Variants in GALNT18 observed in about 807,000 individuals in gnomAD.
The protein encoded by GALNT18 is polypeptide N-acetylgalactosaminyltransferase 18, also known as GalNAc-transferase 18.
In GALNT18, 44 loss-of-function variants were observed where a neutral mutation model predicts 69.5. The observed-to-expected ratio is 0.63, with a 90% CI of 0.50 to 0.81. The LOEUF is 0.81. Among genes scored for constraint, GALNT18 ranks in the 40% least tolerant of loss-of-function variants. The probability of loss-of-function intolerance (pLI) is 0.00; values close to 1 mark genes in which losing one functional copy is unlikely to be tolerated. For synonymous variants in GALNT18, 364 were observed against 318.2 expected, an observed-to-expected ratio of 1.14 and a Z score of -1.53; for missense variants, 715 against 810.0, an observed-to-expected ratio of 0.88 and a Z score of 1.42.
chr11:11,520,557 G>A (rs1320914653), intron 1 of GALNT18, among the ~76,000 whole-genome samples: 1 of 152,228 alleles, frequency 6.6e-6, no homozygotes, highest in African/African-American at 2.4e-5. Context: ...GCGTGCAAGG[G>A]GATGTTGTGG....
At chr11:11,504,888 A>C (rs775242755) in intron 1 of GALNT18, among the ~76,000 whole-genome samples, 1 of 152,184 alleles carries the variant, frequency 6.6e-6, no homozygotes, top group African/African-American at 2.4e-5. Context: ...TCAGAGATGA[A>C]CCAAGTTCCT....
intron 1 of GALNT18, among the ~76,000 whole-genome samples, chr11:11,550,466 C>A (rs1044176493): frequency 1.9e-4 from 29 of 152,224 alleles, no homozygotes; most frequent in Admixed American, 1.9e-3. Flanking sequence ...TAACCCCCAT[C>A]CTCATCCATT....
At chr11:11,561,831 G>A (rs935727457) in intron 1 of GALNT18, among the ~76,000 whole-genome samples, 5 of 152,268 alleles carry the variant, frequency 3.3e-5, no homozygotes, top group Admixed American at 2.6e-4. Flanking sequence ...AAGCAAAGAC[G>A]AGAACCGGGC....
chr11:11,474,546 C>A (rs1316329620), intron 1 of GALNT18, among the ~76,000 whole-genome samples: 2 of 152,090 alleles, frequency 1.3e-5, no homozygotes, highest in Non-Finnish European at 2.9e-5. Flanking sequence ...GAGGCCAGTG[C>A]GTAACTATTG....
chr11:11,544,398 A>C (rs111358709), intron 1 of GALNT18, among the ~76,000 whole-genome samples: 30 of 152,332 alleles, frequency 2.0e-4, no homozygotes, highest in African/African-American at 6.7e-4. Flanking sequence ...CACTATGCTA[A>C]GCATTTTGGG....
chr11:11,432,596 G>C lies in GALNT18; in HGVS notation c.595+25C>G. The C allele has an allele frequency of 1.3e-6, 2 of 1,586,750 alleles. No homozygotes were observed. The highest frequency in any genetic ancestry group is 1.7e-6 in the Non-Finnish European group (2 of 1,164,242). On this transcript the variant is annotated intron_variant, in intron 3 of 10. Transcript: ENST00000227756. This position sits in a 1 kb window ranked among gnomAD's most constrained non-coding sequence, Gnocchi z 5.8. The stretch of plus-strand genomic sequence containing the variant: ...GATGTCAGCCAGGAAGTAGGGCCTG[G>C]GCCCTGGGAAGCTCCGACACTCACC...
Position 11,470,933 on chromosome 11 carries a change from C to A in GALNT18, c.236-21997G>T, listed in dbSNP as rs536699584. On this transcript the variant is annotated intron_variant, in intron 1 of 10. Transcript: ENST00000227756. The surrounding 1 kb of genome is among the most constrained non-coding windows in gnomAD (Gnocchi z 4.8). ...CTTTGCCTGAGAATCAAACGTCCTG[C>A]CAAATGGCTTCTTGATTTCTCCCCA... 7.2e-4 allele frequency among the ~76,000 whole-genome samples: 110 copies of A among 152,294 alleles called. No homozygotes were observed. The highest frequency in any genetic ancestry group is 1.2e-3 in the Admixed American group (19 of 15,300).
Position 11,402,624 on chromosome 11 carries a change from T to G in GALNT18, c.596-23360A>C, listed in dbSNP as rs1404713492. ...TGGCATGGCTTTCTGTCCTCAAACT[T>G]CATTATCTCAAGGCATAAGTCCTCT... On this transcript the variant is annotated intron_variant, in intron 3 of 10. Transcript: ENST00000227756. The surrounding 1 kb of genome is among the most constrained non-coding windows in gnomAD (Gnocchi z 4.0). Among the ~76,000 whole-genome samples, 1 of 152,182 alleles carries G rather than the reference T, an allele frequency of 6.6e-6. No individual in the cohort carries two copies. The highest frequency in any genetic ancestry group is 1.9e-4 in the East Asian group (1 of 5,190).
rs962727495 is a variant in GALNT18 at position 11,447,408 on chromosome 11, A to G, written c.428+1336T>C. 3.3e-5 allele frequency among the ~76,000 whole-genome samples: 5 copies of G among 152,142 alleles called. No homozygotes were observed. In the East Asian group the frequency reaches 9.6e-4, roughly 29 times the overall value. On this transcript the variant is annotated intron_variant, in intron 2 of 10. Transcript: ENST00000227756. ...CTCACCACCACCTAACATACTGCAT[A>G]TTTGACTTCTTTGTTTTGTTTACTC...
In GALNT18 at chr11:11,587,999, A is replaced by G. The variant is rs1022452831; in HGVS notation, c.235+33360T>C. Among the ~76,000 whole-genome samples the G allele has an allele frequency of 2.0e-5, 3 of 152,026 alleles. No individual in the cohort carries two copies. The highest frequency in any genetic ancestry group is 1.5e-5 in the Non-Finnish European group (1 of 68,000). Reference sequence around the variant, plus strand: ...CAGCTTCCACACTTTTATACACACAAGTCCTTCTGCTTGAGGCTCCTAACC... The same window carrying G: ...CAGCTTCCACACTTTTATACACACAGGTCCTTCTGCTTGAGGCTCCTAACC... On this transcript the variant is annotated intron_variant, in intron 1 of 10. Coordinates refer to ENST00000227756, the MANE Select transcript of GALNT18 (RefSeq NM_198516.3). The surrounding 1 kb of genome is among the most constrained non-coding windows in gnomAD (Gnocchi z 4.4).
intron 9 of GALNT18, among the ~76,000 whole-genome samples, chr11:11,310,704 C>T (rs1197786112): frequency 6.6e-6 from 1 of 152,160 alleles, no homozygotes; most frequent in East Asian, 1.9e-4. Flanking sequence ...TATATTAAGA[C>T]AGTGCTAACC....
chr11:11,291,032 C>G (rs1315844086), intron 10 of GALNT18, among the ~76,000 whole-genome samples: 1 of 152,204 alleles, frequency 6.6e-6, no homozygotes, highest in Non-Finnish European at 1.5e-5. Context: ...ACTGTCCTTC[C>G]ACACCACACA....
At position 11,348,246 on chromosome 11, in the gene GALNT18, C is replaced by T. The variant is rs530495511; in HGVS notation, c.1093-7242G>A. ...TACAAAAATTAGCTGGGCATGGTGGCGGGTGCCTGTAATCCCAGCTACTCA... is the reference window on the plus strand; with the variant it reads ...TACAAAAATTAGCTGGGCATGGTGGTGGGTGCCTGTAATCCCAGCTACTCA... On this transcript the variant is annotated intron_variant, in intron 6 of 10. Transcript: ENST00000227756. Among the ~76,000 whole-genome samples, 87 of 152,002 alleles carry T rather than the reference C, an allele frequency of 5.7e-4. No individual in the cohort carries two copies. The Middle Eastern group carries it at 0.01, about 18-fold the overall frequency.
chr11:11,421,451 T>G lies in GALNT18; in HGVS notation c.595+11170A>C, dbSNP rs546334848. 6.6e-5 allele frequency among the ~76,000 whole-genome samples: 10 copies of G among 152,160 alleles called. No homozygotes were observed. The South Asian group carries it at 1.0e-3, about 16-fold the overall frequency. On this transcript the variant is annotated intron_variant, in intron 3 of 10. Transcript: ENST00000227756. This position sits in a 1 kb window ranked among gnomAD's most constrained non-coding sequence, Gnocchi z 5.6. ...CGAACCGTGGAAGCAGAGCCCCAGT[T>G]TGGTGTACAGGGAACAGAGTCTAGC...
intron 1 of GALNT18, among the ~76,000 whole-genome samples, chr11:11,462,465 AT>A (rs200534380): frequency 6.7e-6 from 1 of 150,248 alleles, no homozygotes; most frequent in African/African-American, 2.5e-5. Context: ...TTTATTTTTT[AT>A]TTTTTTAGTA....
Position 11,387,092 on chromosome 11 carries a change from T to C in GALNT18, c.596-7828A>G, listed in dbSNP as rs1468132189. On this transcript the variant is annotated intron_variant, in intron 3 of 10. Coordinates refer to ENST00000227756, the MANE Select transcript of GALNT18 (RefSeq NM_198516.3). This position sits in a 1 kb window ranked among gnomAD's most constrained non-coding sequence, Gnocchi z 4.6. ...GCACCTCCTGCCAAATACGTGTGGT[T>C]CCAGCCCATAACACAAGGATGTAAA... Among the ~76,000 whole-genome samples, 1 of 152,206 alleles carries C rather than the reference T, an allele frequency of 6.6e-6. No individual in the cohort carries two copies. Among genetic ancestry groups the C allele is most frequent in the African/African-American group, 2.4e-5 (1 of 41,452 alleles).
At chr11:11,457,441 C>T (rs947746595) in intron 1 of GALNT18, among the ~76,000 whole-genome samples, 3 of 152,198 alleles carry the variant, frequency 2.0e-5, no homozygotes, top group African/African-American at 7.2e-5. Flanking sequence ...TCTTCCTAGG[C>T]AAGAATCTAG....
At chr11:11,433,401 A>C (rs887454480) in intron 2 of GALNT18, among the ~76,000 whole-genome samples, 12 of 152,262 alleles carry the variant, frequency 7.9e-5, no homozygotes, top group African/African-American at 2.9e-4. Context: ...CTCATTTCAC[A>C]GACAGGGAGC....
At chr11:11,571,196 C>G (rs1236659725) in intron 1 of GALNT18, among the ~76,000 whole-genome samples, 3 of 152,222 alleles carry the variant, frequency 2.0e-5, no homozygotes, top group Non-Finnish European at 4.4e-5. Context: ...TATCCAACAG[C>G]TCCTGGCTAG....
Sources: allele counts gnomAD v4.1 joint callset (sites outside exome capture counted in the v4.1 genomes callset), GRCh38; gene constraint gnomAD v4.1.1; non-coding constraint Gnocchi (gnomAD v3.1); transcripts MANE v1.5; gene names NCBI Gene and HGNC (gene_info 2026-07-23, HGNC 2026-07-21).